The following CSMD1 variants were observed in gnomAD, a reference collection of about 807,000 sequenced individuals.
The protein encoded by CSMD1 is CUB and Sushi multiple domains 1.
In CSMD1, 213 loss-of-function variants were observed where a neutral mutation model predicts 417.5. The observed-to-expected ratio is 0.51, with a 90% CI of 0.46 to 0.57. The LOEUF is 0.57. CSMD1 is among the 20% of genes least tolerant of loss of function. The probability of loss-of-function intolerance (pLI) is 0.00; values close to 1 mark genes in which losing one functional copy is unlikely to be tolerated. For synonymous variants in CSMD1, 2,862 were observed against 1,736.8 expected (o/e 1.65, Z -16.11); for missense variants, 6,923 against 4,529.7 (o/e 1.53, Z -15.17).
At chr8:4,426,495 A>T (rs1003218750) in intron 2 of CSMD1, among the ~76,000 whole-genome samples, 12 of 147,880 alleles carry the variant, frequency 8.1e-5, no homozygotes, top group African/African-American at 2.9e-4. Context: ...ATATATAGTA[A>T]AGTTTTTATA....
At chr8:3,260,752 C>G (rs1315086560) in intron 26 of CSMD1, among the ~76,000 whole-genome samples, 6 of 152,114 alleles carry the variant, frequency 3.9e-5, no homozygotes, top group Non-Finnish European at 7.4e-5. Flanking sequence ...GGCTCTTCGA[C>G]TTGACAACAG....
At chr8:3,753,583 T>C (rs973043306) in intron 6 of CSMD1, among the ~76,000 whole-genome samples, 32 of 152,220 alleles carry the variant, frequency 2.1e-4, no homozygotes, top group Admixed American at 6.5e-5. Context: ...CTATATGCTA[T>C]AGCATGCTTA....
Position 4,787,721 on chromosome 8 carries a change from A to T in CSMD1, c.86-150163T>A. On this transcript the variant is annotated intron_variant, in intron 1 of 69. Coordinates refer to ENST00000635120, the MANE Select transcript of CSMD1 (RefSeq NM_033225.6). ...TTTTTCAAGGATGCTGCCAATAATG[A>T]CCCACAGTGGTCTGAGGAACAGCTG... 4 of 1,590,530 alleles carry T rather than the reference A, an allele frequency of 2.5e-6. No individual in the cohort carries two copies. In the Admixed American group the frequency reaches 6.7e-5, roughly 27 times the overall value.
At chr8:3,176,802 A>G (rs1171352436) in intron 37 of CSMD1, among the ~76,000 whole-genome samples, 1 of 146,022 alleles carries the variant, frequency 6.8e-6, no homozygotes, top group Non-Finnish European at 1.5e-5. Flanking sequence ...TTCTTGAGAC[A>G]GGGTCTTGCT....
chr8:3,736,157 C>A (rs1479982304), intron 6 of CSMD1, among the ~76,000 whole-genome samples: 4 of 152,178 alleles, frequency 2.6e-5, no homozygotes, highest in African/African-American at 9.7e-5. Context: ...CCTGTAATCG[C>A]ATCACATCTG....
chr8:3,902,723 C>T (rs915197208), intron 5 of CSMD1, among the ~76,000 whole-genome samples: 6 of 152,076 alleles, frequency 3.9e-5, no homozygotes, highest in African/African-American at 4.8e-5. Context: ...TCCATGGCCC[C>T]GGGATTAGAG....
intron 7 of CSMD1, among the ~76,000 whole-genome samples, chr8:3,641,590 T>G (rs1343562036): frequency 1.3e-5 from 2 of 152,190 alleles, no homozygotes; most frequent in Admixed American, 1.3e-4. Context: ...TGATTTATGC[T>G]TCTTATGTCT....
intron 33 of CSMD1, among the ~76,000 whole-genome samples, chr8:3,195,389 G>A (rs1161377527): frequency 6.6e-6 from 1 of 152,146 alleles, no homozygotes; most frequent in Non-Finnish European, 1.5e-5. Context: ...AATGTTGAAA[G>A]ACGTGAATTA....
At chr8:3,888,059 T>A (rs1169222970) in intron 5 of CSMD1, among the ~76,000 whole-genome samples, 2 of 152,214 alleles carry the variant, frequency 1.3e-5, no homozygotes, top group Admixed American at 6.5e-5. Context: ...TGGAAAATAC[T>A]GTACAGTTAT....
intron 5 of CSMD1, among the ~76,000 whole-genome samples, chr8:3,869,618 C>G (rs562931538): frequency 1.3e-5 from 2 of 152,162 alleles, no homozygotes; most frequent in African/African-American, 2.4e-5. Context: ...CATGCACTTT[C>G]TCACCGCTGA....
intron 3 of CSMD1, among the ~76,000 whole-genome samples, chr8:4,046,001 G>T (rs999094079): frequency 1.3e-5 from 2 of 151,920 alleles, no homozygotes; most frequent in African/African-American, 2.4e-5. Context: ...CAAAATAATG[G>T]TTCTACAATT....
chr8:4,308,401 A>G (rs1563428378), intron 3 of CSMD1, among the ~76,000 whole-genome samples: 1 of 150,400 alleles, frequency 6.6e-6, no homozygotes, highest in Non-Finnish European at 1.5e-5. Flanking sequence ...GTATTCGTGC[A>G]TGTGTGTGTG....
At chr8:3,087,735 C>T (rs986510376) in intron 48 of CSMD1, among the ~76,000 whole-genome samples, 24 of 152,228 alleles carry the variant, frequency 1.6e-4, no homozygotes, top group African/African-American at 5.5e-4. Flanking sequence ...GCGCTGTATG[C>T]AGCCCACAGG....
rs917649786 is a variant in CSMD1, at chr8:3,688,029, G to A, written c.1009+20385C>T. On this transcript the variant is annotated intron_variant, in intron 7 of 69. Transcript: ENST00000635120. Reference sequence around the variant, plus strand: ...AAATCTGCAAATTTTCAGCGTGACCGAAATGGATTGCTTTGCTCACTGCAT... The same window carrying A: ...AAATCTGCAAATTTTCAGCGTGACCAAAATGGATTGCTTTGCTCACTGCAT... Among the ~76,000 whole-genome samples, 8 of 152,160 alleles carry A rather than the reference G, an allele frequency of 5.3e-5. No individual in the cohort carries two copies. The East Asian group carries it at 7.7e-4, about 15-fold the overall frequency.
chr8:3,737,795 C>A (rs2720823), intron 6 of CSMD1, among the ~76,000 whole-genome samples: 81,491 of 152,010 alleles, frequency 0.54, 22,003 homozygotes, highest in Admixed American at 0.56. Flanking sequence ...TCAAAGGAGA[C>A]AAATAAAAAT....
chr8:4,913,659 C>T (rs1245079607), intron 1 of CSMD1, among the ~76,000 whole-genome samples: 3 of 152,176 alleles, frequency 2.0e-5, no homozygotes, highest in Non-Finnish European at 4.4e-5. Flanking sequence ...ACCAGATGTA[C>T]TGTGCAGATT....
In CSMD1 at chr8:3,360,849, T is replaced by G. The variant is rs144285264; in HGVS notation, c.3116-1509A>C. Among the ~76,000 whole-genome samples the G allele has an allele frequency of 3.3e-3, 483 of 146,534 alleles. 4 individuals carry two copies. The highest frequency in any genetic ancestry group is 0.012 in the African/African-American group (467 of 40,300). ...TCCCCTTAGTATTCCTCAAATCTGA[T>G]CCTTCTTTTTTTTTTTTTTAGTTTA... On this transcript the variant is annotated intron_variant, in intron 20 of 69. Transcript: ENST00000635120.
In CSMD1 at chr8:4,796,788, G is replaced by A. The variant is rs190382461; in HGVS notation, c.86-159230C>T. ...AGTCCCCTTCCCCTTTTGCAATCAC[G>A]GTGAGTAAATTCCCCTTTGCATGTT... is the stretch of plus-strand genomic sequence containing the variant. On this transcript the variant is annotated intron_variant, in intron 1 of 69. Coordinates refer to ENST00000635120, the MANE Select transcript of CSMD1 (RefSeq NM_033225.6). Among the ~76,000 whole-genome samples the A allele has an allele frequency of 4.1e-3, 631 of 152,178 alleles. 7 individuals carry two copies. The highest frequency in any genetic ancestry group is 0.014 in the African/African-American group (565 of 41,522).
At chr8:4,210,965 A>C (rs1225226535) in intron 3 of CSMD1, among the ~76,000 whole-genome samples, 1 of 152,180 alleles carries the variant, frequency 6.6e-6, no homozygotes, top group African/African-American at 2.4e-5. Context: ...CTCTAAATGA[A>C]AAAATCTCTT....
Sources: allele counts gnomAD v4.1 joint callset (sites outside exome capture counted in the v4.1 genomes callset), GRCh38; gene constraint gnomAD v4.1.1; transcripts MANE v1.5; gene names NCBI Gene and HGNC (gene_info 2026-07-23, HGNC 2026-07-21).